Variants in DDX19B observed in about 807,000 individuals in gnomAD.
DDX19B encodes the protein ATP-dependent RNA helicase DDX19B.
A neutral mutation model predicts 58.1 loss-of-function variants in DDX19B; 27 were observed. That is an observed-to-expected ratio of 0.46 (90% confidence interval 0.34 to 0.64). The LOEUF (loss-of-function observed/expected upper bound fraction) is 0.64. Ranked by LOEUF, DDX19B falls within the 30% of genes least tolerant of loss-of-function variation. The probability of loss-of-function intolerance (pLI) is 0.01; values close to 1 mark genes in which losing one functional copy is unlikely to be tolerated. For missense variants in DDX19B, 399 were observed against 596.5 expected (o/e 0.67, Z 3.45); for synonymous variants, 187 against 214.4 (o/e 0.87, Z 1.12).
At chr16:70,324,389 GA>G (rs1963030593) in intron 5 of DDX19B, among the ~76,000 whole-genome samples, 195 bp from the exon 6 acceptor site, 1 of 93,682 alleles carries the variant, frequency 1.1e-5, no homozygotes, top group African/African-American at 5.2e-5. Flanking sequence ...AAAAAAAAAA[GA>G]AGAAGATGTG....
At chr16:70,317,840 G>A (rs1470156066) in intron 5 of DDX19B, 3 of 252,692 alleles carry the variant, frequency 1.2e-5, no homozygotes, top group Non-Finnish European at 2.3e-5. Context: ...AGCTACTCAG[G>A]AGGCTGAGGC....
At chr16:70,294,725 C>A, upstream of DDX19B, 2 of 751,476 alleles carry the variant, frequency 2.7e-6, no homozygotes, top group South Asian at 2.2e-5. Flanking sequence ...CGTGCCCGAG[C>A]GCTGTACCGT....
chr16:70,306,303 C>T (rs1961749908), intron 1 of DDX19B, among the ~76,000 whole-genome samples: 1 of 152,034 alleles, frequency 6.6e-6, no homozygotes, highest in Non-Finnish European at 1.5e-5. Context: ...AGGTGTGCAC[C>T]ACCACACCTG....
intron 9 of DDX19B, 85 bp downstream of exon 9, chr16:70,330,153 T>A: frequency 6.6e-7 from 1 of 1,507,588 alleles, no homozygotes; most frequent in Non-Finnish European, 9.1e-7. Flanking sequence ...TGCCCCTGGG[T>A]GCCATGGGAA....
intron 2 of DDX19B, among the ~76,000 whole-genome samples, chr16:70,314,053 G>A (rs900922966): frequency 6.6e-6 from 1 of 151,994 alleles, no homozygotes; most frequent in Non-Finnish European, 1.5e-5. Context: ...AGGTTGCAGT[G>A]AGCTGAGATC....
intron 5 of DDX19B, among the ~76,000 whole-genome samples, chr16:70,318,794 C>T (rs1200602537): frequency 1.0e-4 from 13 of 127,766 alleles, no homozygotes; most frequent in Non-Finnish European, 2.0e-4. Flanking sequence ...AAAACTCCAT[C>T]TCAAAAAAAA....
Position 70,334,092 on chromosome 16 carries a change from T to C in DDX19B, c.*510T>C, listed in dbSNP as rs1963617401. 1 of 172,452 alleles carries C rather than the reference T, an allele frequency of 5.8e-6. No individual in the cohort carries two copies. Among genetic ancestry groups the C allele is most frequent in the African/African-American group, 2.4e-5 (1 of 41,670 alleles). The allele number at this position is 172,452 out of a possible 1,614,324, so 10.7% of individuals were successfully genotyped here. ...AGAGGAGGCCTGAGAGCTGCTGCTT[T>C]GGACTTGGGGGTGGGACAGCTCATC... On this transcript the variant is annotated 3_prime_UTR_variant, in exon 12 of 12. Coordinates refer to ENST00000288071, the MANE Select transcript of DDX19B (RefSeq NM_007242.7).
upstream of DDX19B, among the ~76,000 whole-genome samples, chr16:70,292,689 A>C (rs1961091403): frequency 6.6e-6 from 1 of 152,204 alleles, no homozygotes; most frequent in Middle Eastern, 3.2e-3. Flanking sequence ...AGCGATATGC[A>C]CATGGCTTGC....
At chr16:70,299,899 G>A (rs1170122698) in intron 1 of DDX19B, among the ~76,000 whole-genome samples, 1 of 152,056 alleles carries the variant, frequency 6.6e-6, no homozygotes, top group Non-Finnish European at 1.5e-5. Flanking sequence ...AGTAGGTGTG[G>A]CAGTCAGCAA....
chr16:70,314,770 C>G (rs749533697), intron 2 of DDX19B, 132 bp from the exon 3 acceptor site: 1 of 816,654 alleles, frequency 1.2e-6, no homozygotes. Flanking sequence ...TTTTTATCAG[C>G]GGCTCGGTTT....
At chr16:70,294,303 G>T (rs1037783410), upstream of DDX19B, among the ~76,000 whole-genome samples, 3 of 151,638 alleles carry the variant, frequency 2.0e-5, no homozygotes, top group Non-Finnish European at 4.4e-5. Context: ...GAATGGCCTC[G>T]ATCTCCTGAC....
upstream of DDX19B, among the ~76,000 whole-genome samples, chr16:70,291,672 G>A (rs1177645375): frequency 9.2e-5 from 14 of 152,164 alleles, no homozygotes; most frequent in South Asian, 2.3e-3. Context: ...GTAGCCGGGC[G>A]TGGTGGCGGG....
At chr16:70,316,232 C>CA in intron 4 of DDX19B, 128 bp downstream of exon 4, 1 of 1,291,186 alleles carries the variant, frequency 7.7e-7, no homozygotes, top group South Asian at 1.6e-5. Context: ...TTTTTCGAGA[C>CA]AGAGTCTCAC....
At chr16:70,294,700 A>C, upstream of DDX19B, 1 of 524,800 alleles carries the variant, frequency 1.9e-6, no homozygotes, top group Non-Finnish European at 3.2e-6. Context: ...TTTGGCCCCC[A>C]GAGTTCCTGG....
At chr16:70,307,709 G>A (rs1961838838) in intron 1 of DDX19B, among the ~76,000 whole-genome samples, 1 of 150,758 alleles carries the variant, frequency 6.6e-6, no homozygotes, top group African/African-American at 2.4e-5. Flanking sequence ...ATATATGTGT[G>A]TGTGTGTATA....
upstream of DDX19B, among the ~76,000 whole-genome samples, chr16:70,291,994 C>A (rs1271490902): frequency 2.6e-5 from 4 of 151,634 alleles, no homozygotes; most frequent in Non-Finnish European, 5.9e-5. Flanking sequence ...AAAAAAAATT[C>A]TTTTTAATTA....
intron 5 of DDX19B, 67 bp from the exon 6 acceptor site, chr16:70,324,518 A>AT (rs915192483): frequency 3.4e-6 from 5 of 1,451,568 alleles, no homozygotes; most frequent in African/African-American, 2.8e-5. Flanking sequence ...TTTAATACTC[A>AT]TTTTTTTAAA....
At position 70,308,976 on chromosome 16, in the gene DDX19B, C is replaced by G. The variant is rs551439399; in HGVS notation, c.58-3633C>G. On this transcript the variant is annotated intron_variant, in intron 1 of 11. Coordinates refer to ENST00000288071, the MANE Select transcript of DDX19B (RefSeq NM_007242.7). ...TCCTAATGCTGTCCCCCACTGCCCT[C>G]CCCCATTAGTGTATTCTTTATCCTT... 4.5e-4 allele frequency among the ~76,000 whole-genome samples: 68 copies of G among 152,174 alleles called. 1 individual carries two copies. The South Asian group carries it at 0.013, about 29-fold the overall frequency.
chr16:70,294,456 A>G (rs1961147277), upstream of DDX19B, among the ~76,000 whole-genome samples: 1 of 152,304 alleles, frequency 6.6e-6, no homozygotes, highest in South Asian at 2.1e-4. Context: ...CCAAGGGTCT[A>G]GATTAGAGGA....
Sources: gnomAD v4.1 joint callset for allele counts (sites outside exome capture counted in the v4.1 genomes callset) on GRCh38, gnomAD v4.1.1 for gene constraint, MANE v1.5 for transcripts, NCBI Gene and HGNC (gene_info 2026-07-23, HGNC 2026-07-21) for gene names.